Variants in RYR3 observed in about 807,000 individuals in gnomAD.
The protein encoded by RYR3 is ryanodine receptor 3.
Under a neutral mutation model 584.3 loss-of-function variants are expected in RYR3, and 207 were observed. The observed-to-expected ratio is 0.35, with a 90% confidence interval of 0.32 to 0.40. RYR3 has a LOEUF of 0.40. Ranked by LOEUF, RYR3 falls within the 10% of genes least tolerant of loss-of-function variation. The pLI, the probability that RYR3 is intolerant of heterozygous loss-of-function variation, is 1.00. For synonymous variants in RYR3, 2,416 were observed against 2,248.5 expected (o/e 1.07, Z -2.11); for missense variants, 5,616 against 6,089.2 (o/e 0.92, Z 2.59).
intron 13 of RYR3, among the ~76,000 whole-genome samples, 153 bp from the exon 14 acceptor site, chr15:33,581,355 G>GA (rs1306364857): frequency 1.1e-4 from 17 of 151,444 alleles, no homozygotes; most frequent in African/African-American, 3.9e-4. Flanking sequence ...TTTTAGGAGG[G>GA]AAAAAAAACA....
chr15:33,485,663 A>G (rs147419240), intron 2 of RYR3, among the ~76,000 whole-genome samples: 40 of 152,340 alleles, frequency 2.6e-4, no homozygotes, highest in African/African-American at 9.4e-4. Context: ...GCATTTCCAA[A>G]TAGTGTGAGA....
chr15:33,581,054 T>TGGGGGGGGGGGGGGGGGGG (rs2058565621), intron 13 of RYR3, among the ~76,000 whole-genome samples: 1 of 92,928 alleles, frequency 1.1e-5, no homozygotes, highest in Non-Finnish European at 2.2e-5. Flanking sequence ...GCCGGGGGGG[T>TGGGGGGGGGGGGGGGGGGG]GGGGAGGTAG....
intron 19 of RYR3, among the ~76,000 whole-genome samples, chr15:33,620,898 T>A (rs2060693127): frequency 6.6e-6 from 1 of 152,196 alleles, no homozygotes; most frequent in Non-Finnish European, 1.5e-5. Flanking sequence ...GACCTTTTCT[T>A]CTACCCAGTG....
intron 43 of RYR3, among the ~76,000 whole-genome samples, chr15:33,720,533 C>T (rs2067829824): frequency 6.6e-6 from 1 of 152,180 alleles, no homozygotes. Flanking sequence ...CAGTGATGAG[C>T]TAAAGAGCTG....
chr15:33,652,842 T>A lies in RYR3; in HGVS notation c.4267T>A (p.Ser1423Thr), dbSNP rs774111992. The change falls in exon 32 of 104, where the codon TCC (serine) becomes ACC (threonine). Residue 1423 changes from serine (S) to threonine (T), a missense_variant. Physicochemically the swap from Ser to Thr is moderately conservative, Grantham distance 58. Around this residue, in one of 9 missense-constraint regions of RYR3, gnomAD observed 753 missense variants for 741.0 expected, o/e 1.02. Coordinates refer to ENST00000634891, the MANE Select transcript of RYR3 (RefSeq NM_001036.6). Reference sequence around the variant, plus strand: ...CGTGGATCTGGCCATGGGCATGTTGTCCTTCTCAGCCAATGGAAAGGAACT... The same window carrying A: ...CGTGGATCTGGCCATGGGCATGTTGACCTTCTCAGCCAATGGAAAGGAACT... ...CLVDLAMGMLSFSANGKELGT... is the reference protein window; with the variant it reads ...CLVDLAMGMLTFSANGKELGT... 1.2e-6 allele frequency: 2 copies of A among 1,613,358 alleles called. No homozygotes were observed. Among genetic ancestry groups the A allele is most frequent in the South Asian group, 2.2e-5 (2 of 90,938 alleles).
chr15:33,535,730 C>G (rs2055271411), intron 5 of RYR3, among the ~76,000 whole-genome samples: 1 of 152,090 alleles, frequency 6.6e-6, no homozygotes, highest in South Asian at 2.1e-4. Flanking sequence ...ATTGTTAGAG[C>G]CTTAAATAAA....
rs561322444 is a variant in RYR3 at position 33,688,425 on chromosome 15, T to A, written c.5861-7793T>A. ...CGTCTCTACTAAAAATACAAAAAAT[T>A]AGCCAGGCGTGGTGGCGGGCACCTG... On this transcript the variant is annotated intron_variant, in intron 38 of 103. Coordinates refer to ENST00000634891, the MANE Select transcript of RYR3 (RefSeq NM_001036.6). Among the ~76,000 whole-genome samples, 334 of 151,560 alleles carry A rather than the reference T, an allele frequency of 2.2e-3. 3 individuals are homozygous for A. Among genetic ancestry groups the A allele is most frequent in the African/African-American group, 7.7e-3 (317 of 41,278 alleles).
At position 33,838,040 on chromosome 15, in the gene RYR3, T is replaced by C. The variant is rs1395721939; in HGVS notation, c.12060T>C (p.Ser4020=). The C allele has an allele frequency of 6.2e-7, 1 of 1,613,894 alleles. No individual in the cohort carries two copies. Among genetic ancestry groups the C allele is most frequent in the Admixed American group, 1.7e-5 (1 of 60,002 alleles). Residue 4020 remains serine (S), a synonymous_variant, in exon 89 of 104, where the codon AGT becomes AGC. Coordinates refer to ENST00000634891, the MANE Select transcript of RYR3 (RefSeq NM_001036.6). The part of the protein sequence containing the change: ...RLKCLLDPAE[S]VLNYFEPYLG... ...AGTGTCTGTTGGACCCAGCAGAAAG[T>C]GTGCTAAATTACTTCGAACCCTACC...
intron 71 of RYR3, 53 bp downstream of exon 71, chr15:33,810,702 A>G (rs2076479674): frequency 3.1e-6 from 5 of 1,608,172 alleles, no homozygotes; most frequent in Admixed American, 3.3e-5. Context: ...GTGCAGTGAT[A>G]AGCATTCAGC....
chr15:33,659,984 C>T (rs967518411), intron 33 of RYR3, among the ~76,000 whole-genome samples, 178 bp downstream of exon 33: 2 of 152,180 alleles, frequency 1.3e-5, no homozygotes, highest in African/African-American at 4.8e-5. Flanking sequence ...TTCTTATCTT[C>T]CCCTTTTCCC....
intron 3 of RYR3, among the ~76,000 whole-genome samples, chr15:33,510,338 G>A (rs1247035814): frequency 3.9e-5 from 6 of 152,216 alleles, no homozygotes; most frequent in Non-Finnish European, 8.8e-5. Context: ...AATGGTTGCA[G>A]TGTACCAAGT....
intron 21 of RYR3, 174 bp from the exon 22 acceptor site, chr15:33,629,766 T>A (rs2061176657): frequency 3.7e-6 from 2 of 536,098 alleles, no homozygotes; most frequent in Admixed American, 7.3e-5. Flanking sequence ...ACTTGGAGAC[T>A]GTGTGTCTCA....
chr15:33,319,138 G>A (rs1211116634), intron 1 of RYR3, among the ~76,000 whole-genome samples: 1 of 152,236 alleles, frequency 6.6e-6, no homozygotes, highest in East Asian at 1.9e-4. Context: ...GGCAGAGAGA[G>A]CTAGTCAGCG....
Position 33,310,994 on chromosome 15 carries a change from C to G in RYR3, c.-52C>G. 6.8e-7 allele frequency: 1 copy of G among 1,469,422 alleles called. No homozygotes were observed. The highest frequency in any genetic ancestry group is 9.3e-7 in the Non-Finnish European group (1 of 1,074,634). The allele number at this position is 1,469,422 out of a possible 1,614,324, so 91.0% of individuals were successfully genotyped here. On this transcript the variant is annotated 5_prime_UTR_variant, in exon 1 of 104. Coordinates refer to ENST00000634891, the MANE Select transcript of RYR3 (RefSeq NM_001036.6). ...CAGTCAGCGCACGCCGAGCGGCTGCCGGGGGAAGCAGAGGCGCCGGAGGCT... is the reference window on the plus strand; with the variant it reads ...CAGTCAGCGCACGCCGAGCGGCTGCGGGGGGAAGCAGAGGCGCCGGAGGCT...
intron 1 of RYR3, among the ~76,000 whole-genome samples, chr15:33,400,210 A>T (rs536408658): frequency 6.6e-6 from 1 of 152,272 alleles, no homozygotes; most frequent in Admixed American, 6.5e-5. Flanking sequence ...TCCTAACACT[A>T]TGGTCACCAT....
At chr15:33,609,808 A>G (rs1007255415) in intron 18 of RYR3, among the ~76,000 whole-genome samples, 2 of 152,208 alleles carry the variant, frequency 1.3e-5, no homozygotes, top group East Asian at 3.9e-4. Flanking sequence ...AAGGACTTGA[A>G]CAGGAGGAAG....
intron 18 of RYR3, among the ~76,000 whole-genome samples, chr15:33,611,840 G>A (rs2152566274): frequency 6.6e-6 from 1 of 152,016 alleles, no homozygotes; most frequent in East Asian, 2.0e-4. Flanking sequence ...TGTATCTTTA[G>A]TAGAGACAGA....
At chr15:33,403,009 G>A (rs994717040) in intron 1 of RYR3, among the ~76,000 whole-genome samples, 11 of 152,214 alleles carry the variant, frequency 7.2e-5, no homozygotes, top group African/African-American at 2.7e-4. Context: ...TAGAGACATA[G>A]TTATTTAAGT....
intron 99 of RYR3, chr15:33,858,140 C>G: frequency 3.5e-6 from 2 of 572,294 alleles, no homozygotes; most frequent in Admixed American, 3.2e-5. Flanking sequence ...ATCTAAGCCC[C>G]GTGGAAAGGG....
Sources: gnomAD v4.1 joint callset for allele counts (sites outside exome capture counted in the v4.1 genomes callset) on GRCh38, gnomAD v4.1.1 for gene constraint, gnomAD v4.1.1 regional missense constraint, MANE v1.5 for transcripts, NCBI Gene and HGNC (gene_info 2026-07-23, HGNC 2026-07-21) for gene names.